The following GPATCH2L variants were observed in gnomAD, a reference collection of about 807,000 sequenced individuals.
The protein encoded by GPATCH2L is G-patch domain containing 2 like.
GPATCH2L carries 31 observed loss-of-function variants against 57.4 expected under a neutral mutation model. The observed-to-expected ratio is 0.54, with a 90% confidence interval of 0.41 to 0.73. The LOEUF is 0.73. Among genes scored for constraint, GPATCH2L ranks in the 30% least tolerant of loss-of-function variants. GPATCH2L has a pLI of 0.00. For missense variants in GPATCH2L, 481 were observed against 599.9 expected, an observed-to-expected ratio of 0.80 and a Z score of 2.07; for synonymous variants, 199 against 210.7, an observed-to-expected ratio of 0.94 and a Z score of 0.48.
At chr14:76,227,139 G>A (rs369296319) in intron 1 of GPATCH2L, among the ~76,000 whole-genome samples, 124 of 152,242 alleles carry the variant, frequency 8.1e-4, no homozygotes, top group African/African-American at 2.9e-3. Flanking sequence ...ATCCTTGAGG[G>A]CCCATGGCAT....
chr14:76,157,312 G>A (rs2038355147), intron 2 of GPATCH2L, among the ~76,000 whole-genome samples: 1 of 152,214 alleles, frequency 6.6e-6, no homozygotes, highest in Non-Finnish European at 1.5e-5. Context: ...CTCTTCAAGA[G>A]GAGAGTGGAA....
rs1184156704 is a variant in GPATCH2L at position 76,202,822 on chromosome 14, G to A, written c.*971G>A. ...CGTGTTTATGATGGCTCAGCTGCAT[G>A]TGGAGTTATATATACAGTCGTGCCT... On this transcript the variant is annotated 3_prime_UTR_variant, in exon 10 of 10. Transcript: ENST00000261530. 2.0e-5 allele frequency: 3 copies of A among 152,650 alleles called. No individual in the cohort carries two copies. The highest frequency in any genetic ancestry group is 4.4e-5 in the Non-Finnish European group (3 of 68,034). 9.5% of individuals were successfully genotyped at this position (152,650 alleles called of 1,614,324 possible).
At position 76,206,446 on chromosome 14, in the gene GPATCH2L, A is replaced by G. The variant is rs1441717041; in HGVS notation, c.*4595A>G. 2 of 152,100 alleles carry G rather than the reference A, an allele frequency of 1.3e-5. No individual in the cohort carries two copies. Among genetic ancestry groups the G allele is most frequent in the African/African-American group, 2.4e-5 (1 of 41,390 alleles). The allele number at this position is 152,100 out of a possible 1,614,324, so 9.4% of individuals were successfully genotyped here. A position where few individuals can be genotyped will look rare whatever the true frequency, so the allele number is the denominator to read the frequency against. On this transcript the variant is annotated 3_prime_UTR_variant, in exon 10 of 10. Coordinates refer to ENST00000261530, the MANE Select transcript of GPATCH2L (RefSeq NM_017926.4). ...AAACAAACTATGGCCAAAAGAAGAA[A>G]TTTTTCTGTCACTGCGAGTAGACAT... is the stretch of plus-strand genomic sequence containing the variant.
intron 2 of GPATCH2L, among the ~76,000 whole-genome samples, chr14:76,231,875 G>A (rs1000916110): frequency 1.4e-4 from 6 of 43,142 alleles, no homozygotes; most frequent in Admixed American, 3.4e-4. Context: ...TGTTTGATGT[G>A]TTACATAGCC....
chr14:76,188,899 T>C (rs1359951912), intron 8 of GPATCH2L, among the ~76,000 whole-genome samples: 12 of 152,086 alleles, frequency 7.9e-5, no homozygotes, highest in Non-Finnish European at 1.8e-4. Flanking sequence ...GAGATAGGGG[T>C]CTAGTTTCAT....
In GPATCH2L at chr14:76,202,287, C is replaced by G. The variant is rs1473458168; in HGVS notation, c.*436C>G. ...AACAAATTTAAATATTGAGTTGAGA[C>G]CTGTATGGAATTGTGTTCGCAGGAG... On this transcript the variant is annotated 3_prime_UTR_variant, in exon 10 of 10. Transcript: ENST00000261530. 6.4e-6 allele frequency: 1 copy of G among 155,128 alleles called. No homozygotes were observed. Among genetic ancestry groups the G allele is most frequent in the African/African-American group, 2.4e-5 (1 of 41,444 alleles). 9.6% of individuals were successfully genotyped at this position (155,128 alleles called of 1,614,324 possible).
chr14:76,176,738 A>T lies in GPATCH2L; in HGVS notation c.1052+48A>T, dbSNP rs771308795. On this transcript the variant is annotated intron_variant, in intron 6 of 9. Coordinates refer to ENST00000261530, the MANE Select transcript of GPATCH2L (RefSeq NM_017926.4). ...GCTGTGCTAGTCTGCTCCTTGGAGG[A>T]GGAGGCAGAGGGGAGTTTTATGGAG... The T allele has an allele frequency of 1.2e-5, 15 of 1,251,232 alleles. No individual in the cohort carries two copies. In the South Asian group the frequency reaches 1.8e-4, roughly 15 times the overall value. The allele number at this position is 1,251,232 out of a possible 1,614,324, so 77.5% of individuals were successfully genotyped here.
intron 1 of GPATCH2L, among the ~76,000 whole-genome samples, chr14:76,225,541 G>A (rs1306512620): frequency 1.3e-5 from 2 of 152,088 alleles, no homozygotes; most frequent in Non-Finnish European, 2.9e-5. Context: ...TTTACTTGAA[G>A]TAGGTAAAGA....
chr14:76,164,168 G>A (rs917757932), intron 2 of GPATCH2L, among the ~76,000 whole-genome samples: 1 of 152,166 alleles, frequency 6.6e-6, no homozygotes, highest in Non-Finnish European at 1.5e-5. Flanking sequence ...TCCAGCTAAC[G>A]TGCACAGGCT....
At position 76,212,733 on chromosome 14, in the gene GPATCH2L, C is replaced by T. The variant is rs998725531; in HGVS notation, c.*10882C>T. 7.3e-5 allele frequency: 11 copies of T among 151,578 alleles called. No homozygotes were observed. Among genetic ancestry groups the T allele is most frequent in the South Asian group, 2.1e-4 (1 of 4,812 alleles). The allele number at this position is 151,578 out of a possible 1,614,324, so 9.4% of individuals were successfully genotyped here. ...TTCCCCATTTGACTGTGTATTAGAG[C>T]GTACAGAAAACATAAGTTTCAGAAC... On this transcript the variant is annotated 3_prime_UTR_variant, in exon 10 of 10. Transcript: ENST00000261530.
intron 6 of GPATCH2L, among the ~76,000 whole-genome samples, chr14:76,176,908 A>G (rs1054104946): frequency 6.6e-6 from 1 of 152,058 alleles, no homozygotes; most frequent in African/African-American, 2.4e-5. Flanking sequence ...TTTTATACCT[A>G]CAGATGCTGC....
downstream of GPATCH2L, among the ~76,000 whole-genome samples, chr14:76,216,175 C>G (rs2040488933): frequency 6.7e-6 from 1 of 149,098 alleles, no homozygotes; most frequent in South Asian, 2.1e-4. Context: ...AGCCACCAAG[C>G]AGAAATAACA....
At position 76,208,582 on chromosome 14, in the gene GPATCH2L, C is replaced by T. The variant is rs2040406016; in HGVS notation, c.*6731C>T. 1 of 152,898 alleles carries T rather than the reference C, an allele frequency of 6.5e-6. No homozygotes were observed. Among genetic ancestry groups the T allele is most frequent in the Admixed American group, 6.6e-5 (1 of 15,266 alleles). The allele number at this position is 152,898 out of a possible 1,614,324, so 9.5% of individuals were successfully genotyped here. On this transcript the variant is annotated 3_prime_UTR_variant, in exon 10 of 10. Transcript: ENST00000261530. ...ACTTAGACACCCACACACACACACG[C>T]TTCCTTACCTTCTTGCCAGTGCCTG... is the stretch of plus-strand genomic sequence containing the variant.
At chr14:76,173,693 A>G (rs867722201) in intron 5 of GPATCH2L, 68 bp downstream of exon 5, 7 of 989,416 alleles carry the variant, frequency 7.1e-6, no homozygotes, top group Admixed American at 3.4e-5. Context: ...TGTGTATCCT[A>G]TTAACAATCA....
intron 2 of GPATCH2L, among the ~76,000 whole-genome samples, chr14:76,232,566 A>G (rs1189063311): frequency 6.6e-6 from 1 of 152,216 alleles, no homozygotes; most frequent in Non-Finnish European, 1.5e-5. Flanking sequence ...GGCGTTCCAA[A>G]AACCATTCTG....
In GPATCH2L at chr14:76,205,727, A is replaced by C. The variant is rs1400014410; in HGVS notation, c.*3876A>C. ...TCACTTGGAATTGAAAAAGATACAGAGTGTTGAGACAAAGGAACTAGGCTG... is the reference window on the plus strand; with the variant it reads ...TCACTTGGAATTGAAAAAGATACAGCGTGTTGAGACAAAGGAACTAGGCTG... On this transcript the variant is annotated 3_prime_UTR_variant, in exon 10 of 10. Transcript: ENST00000261530. 1 of 152,224 alleles carries C rather than the reference A, an allele frequency of 6.6e-6. No homozygotes were observed. The highest frequency in any genetic ancestry group is 1.5e-5 in the Non-Finnish European group (1 of 68,066). The allele number at this position is 152,224 out of a possible 1,614,324, so 9.4% of individuals were successfully genotyped here.
rs137962368 is a variant in GPATCH2L, at chr14:76,177,697, G to GTTTTTT, written c.1053-287_1053-282dup. Among the ~76,000 whole-genome samples the GTTTTTT allele has an allele frequency of 4.1e-4, 52 of 127,380 alleles. 4 individuals carry two copies. Among genetic ancestry groups the GTTTTTT allele is most frequent in the Middle Eastern group, 3.9e-3 (1 of 258 alleles). The allele number at this position is 127,380 out of a possible 152,430, so 83.6% of individuals were successfully genotyped here. On this transcript the variant is annotated intron_variant, in intron 6 of 9. Coordinates refer to ENST00000261530, the MANE Select transcript of GPATCH2L (RefSeq NM_017926.4). ...TTACAAGCCTTTTTCCTTTGAAGAG[G>GTTTTTT]TTTTTTTTTGTTTTTGTTTTTGCAA... is the stretch of plus-strand genomic sequence containing the variant.
In GPATCH2L at chr14:76,166,732, T is replaced by C. The variant is rs770588601; in HGVS notation, c.727+5T>C. ...CCAATGATGAAGGGCGACAAGGTAA[T>C]GTCGATCCCAGCTTTGGGACCTTGG... On this transcript the variant is annotated splice_donor_5th_base_variant and intron_variant, in intron 3 of 9. Transcript: ENST00000261530. 21 of 1,589,398 alleles carry C rather than the reference T, an allele frequency of 1.3e-5. No homozygotes were observed. Among genetic ancestry groups the C allele is most frequent in the Middle Eastern group, 3.3e-4 (2 of 6,010 alleles).
chr14:76,180,840 G>A lies in GPATCH2L; in HGVS notation c.1184G>A (p.Cys395Tyr). 6.2e-7 allele frequency: 1 copy of A among 1,603,640 alleles called. No individual in the cohort carries two copies. Among genetic ancestry groups the A allele is most frequent in the Non-Finnish European group, 8.5e-7 (1 of 1,170,450 alleles). ...CACCGAAGGTGTTCACCAGCACACT[G>A]CTCTGCCAGGTAATTGTCTTTTAGT... ...ASHRRCSPAH[C>Y]SARQANVHWG... Residue 395 changes from cysteine (C) to tyrosine (Y), a missense_variant, in exon 8 of 10, where the codon TGC becomes TAC. By Grantham distance (194) the Cys-to-Tyr change is radical. This residue lies in a region of GPATCH2L where 248 missense variants were observed against 270.5 expected (regional missense o/e 0.92). Coordinates refer to ENST00000261530, the MANE Select transcript of GPATCH2L (RefSeq NM_017926.4).
Sources: gnomAD v4.1 joint callset for allele counts (sites outside exome capture counted in the v4.1 genomes callset) on GRCh38, gnomAD v4.1.1 for gene constraint, gnomAD v4.1.1 regional missense constraint, MANE v1.5 for transcripts, NCBI Gene and HGNC (gene_info 2026-07-23, HGNC 2026-07-21) for gene names.